Variants in COL4A2 observed in about 807,000 individuals in gnomAD.
COL4A2 encodes collagen type IV alpha 2 chain.
In COL4A2, 99 loss-of-function variants were observed where a neutral mutation model predicts 200.2. The ratio of observed to expected loss-of-function variants is 0.49; its 90% CI spans 0.42 to 0.58. The LOEUF (loss-of-function observed/expected upper bound fraction) is 0.58. COL4A2 is among the 20% of genes least tolerant of loss of function. The probability of loss-of-function intolerance (pLI) is 0.00; values close to 1 mark genes in which losing one functional copy is unlikely to be tolerated. For missense variants in COL4A2, 1,950 were observed against 2,314.1 expected, an observed-to-expected ratio of 0.84 and a Z score of 3.23; for synonymous variants, 897 against 900.6, an observed-to-expected ratio of 1.00 and a Z score of 0.07.
chr13:110,448,751 G>A (rs1252658961), intron 18 of COL4A2, among the ~76,000 whole-genome samples: 1 of 152,198 alleles, frequency 6.6e-6, no homozygotes, highest in Admixed American at 6.5e-5. Flanking sequence ...AGGTCACACT[G>A]TGTGCCAGGC....
At chr13:110,468,782 G>A (rs900557423) in intron 27 of COL4A2, among the ~76,000 whole-genome samples, 6 of 152,188 alleles carry the variant, frequency 3.9e-5, no homozygotes, top group Non-Finnish European at 8.8e-5. Flanking sequence ...CCCACACACT[G>A]GGCCAAGCAG....
chr13:110,383,579 C>T (rs377712335), intron 4 of COL4A2, among the ~76,000 whole-genome samples: 9 of 142,338 alleles, frequency 6.3e-5, no homozygotes, highest in South Asian at 2.3e-4. Flanking sequence ...AGGATGCAAT[C>T]AGTGGTTATT....
chr13:110,338,432 TGTG>T (rs1876302321), intron 3 of COL4A2, among the ~76,000 whole-genome samples: 2 of 45,988 alleles, frequency 4.3e-5, no homozygotes, highest in South Asian at 1.4e-3. Context: ...AAATGTTGTG[TGTG>T]GGGGGGGGTG....
intron 22 of COL4A2, among the ~76,000 whole-genome samples, chr13:110,461,259 G>C (rs1172703486): frequency 6.6e-6 from 1 of 152,148 alleles, no homozygotes; most frequent in Non-Finnish European, 1.5e-5. Context: ...TCCATACCTG[G>C]ATTAACCTGC....
rs1044293547 is a variant in COL4A2 at position 110,462,294 on chromosome 13, C to T, written c.1686C>T (p.Pro562=). The T allele has an allele frequency of 1.6e-5, 26 of 1,614,114 alleles. No individual in the cohort carries two copies. Among genetic ancestry groups the T allele is most frequent in the African/African-American group, 4.0e-5 (3 of 74,952 alleles). ...CCTTTCTAGGTGAGCGGGGACAGCC[C>T]GGCGTCCCAGGTGTGCCCGGGATGA... ...TITTKGERGQ[P]GVPGVPGMKG... The change falls in exon 24 of 48, where the codon CCC becomes CCT. Residue 562 remains proline (P), a synonymous_variant. Coordinates refer to ENST00000360467, the MANE Select transcript of COL4A2 (RefSeq NM_001846.4).
chr13:110,395,245 C>A (rs556306280), intron 4 of COL4A2, among the ~76,000 whole-genome samples: 1 of 152,340 alleles, frequency 6.6e-6, no homozygotes, highest in Admixed American at 6.5e-5. Context: ...GGAGGTCCAG[C>A]AAAGCCAGTT....
intron 32 of COL4A2, 100 bp downstream of exon 32, chr13:110,482,759 C>G (rs1313891459): frequency 7.7e-7 from 1 of 1,294,978 alleles, no homozygotes; most frequent in East Asian, 2.3e-5. Flanking sequence ...TTTTGAAAAC[C>G]CATGCATCCA....
chr13:110,358,248 A>C (rs1164419979), intron 4 of COL4A2, among the ~76,000 whole-genome samples: 2 of 152,112 alleles, frequency 1.3e-5, no homozygotes, highest in Non-Finnish European at 2.9e-5. Flanking sequence ...CAAAGAAACA[A>C]ACAGACATGG....
At chr13:110,422,077 AGTTTAT>A (rs1473493792) in intron 4 of COL4A2, among the ~76,000 whole-genome samples, 1 of 152,206 alleles carries the variant, frequency 6.6e-6, no homozygotes, top group African/African-American at 2.4e-5. Context: ...ATAGATATGT[AGTTTAT>A]GGGCAATAAA....
At chr13:110,373,530 C>G (rs143172119) in intron 4 of COL4A2, among the ~76,000 whole-genome samples, 1 of 152,332 alleles carries the variant, frequency 6.6e-6, no homozygotes, top group Non-Finnish European at 1.5e-5. Flanking sequence ...TTAGGTAAAA[C>G]TTAGGATTTA....
At chr13:110,459,984 C>T (rs940090545) in intron 22 of COL4A2, among the ~76,000 whole-genome samples, 1 of 152,160 alleles carries the variant, frequency 6.6e-6, no homozygotes, top group Non-Finnish European at 1.5e-5. Flanking sequence ...ACCTTTCTTC[C>T]GTGGCAGATT....
chr13:110,509,171 T>G (rs1015321845), intron 47 of COL4A2, among the ~76,000 whole-genome samples: 3 of 150,632 alleles, frequency 2.0e-5, no homozygotes, highest in African/African-American at 4.9e-5. Flanking sequence ...CCAGTGAGTT[T>G]ATTTATATGC....
At chr13:110,341,550 C>T (rs981333245) in intron 3 of COL4A2, among the ~76,000 whole-genome samples, 3 of 152,192 alleles carry the variant, frequency 2.0e-5, no homozygotes, top group African/African-American at 4.8e-5. Context: ...TGCTAGAGGA[C>T]GTTTTCTGGG....
At chr13:110,309,246 C>G (rs774580742) in intron 3 of COL4A2, among the ~76,000 whole-genome samples, 7 of 152,212 alleles carry the variant, frequency 4.6e-5, no homozygotes, top group Non-Finnish European at 7.3e-5. Context: ...GCTGTTGGTT[C>G]CGGTTCAAAG....
At chr13:110,426,919 C>CA (rs5806856) in intron 6 of COL4A2, among the ~76,000 whole-genome samples, 35,946 of 152,078 alleles carry the variant, frequency 0.24, 4,443 homozygotes, top group Middle Eastern at 0.3. Flanking sequence ...GCCAGCTCTG[C>CA]AAACAGATCG....
At chr13:110,495,516 C>T in intron 40 of COL4A2, 49 bp downstream of exon 40, 5 of 1,592,584 alleles carry the variant, frequency 3.1e-6, no homozygotes, top group Non-Finnish European at 4.3e-6. Flanking sequence ...TAACCAGAAC[C>T]CACCCAGAGG....
At chr13:110,328,019 A>G (rs1336781443) in intron 3 of COL4A2, among the ~76,000 whole-genome samples, 3 of 152,342 alleles carry the variant, frequency 2.0e-5, no homozygotes, top group South Asian at 2.1e-4. Context: ...ACTCAAAATC[A>G]TACACCACAA....
intron 4 of COL4A2, among the ~76,000 whole-genome samples, chr13:110,410,639 C>T (rs928905254): frequency 2.6e-5 from 4 of 152,154 alleles, no homozygotes; most frequent in African/African-American, 9.7e-5. Flanking sequence ...CTTTTGTTTT[C>T]TTCACGACAA....
chr13:110,342,343 A>G (rs1226436058), intron 3 of COL4A2, among the ~76,000 whole-genome samples: 1 of 152,218 alleles, frequency 6.6e-6, no homozygotes, highest in Non-Finnish European at 1.5e-5. Flanking sequence ...TCAGCATTAT[A>G]TGCATGCTTA....
Sources: gnomAD v4.1 joint callset for allele counts (sites outside exome capture counted in the v4.1 genomes callset) on GRCh38, gnomAD v4.1.1 for gene constraint, MANE v1.5 for transcripts, NCBI Gene and HGNC (gene_info 2026-07-23, HGNC 2026-07-21) for gene names.